LRP1: variants seen among roughly 807,000 people sequenced by gnomAD.
The protein encoded by LRP1 is LDL receptor related protein 1.
In LRP1, 51 loss-of-function variants were observed where a neutral mutation model predicts 541.5. The ratio of observed to expected loss-of-function variants is 0.09; its 90% CI spans 0.08 to 0.12. LRP1 has a LOEUF of 0.12. LRP1 is among the 10% of genes least tolerant of loss of function. LRP1 has a pLI of 1.00. For missense variants in LRP1, 3,878 were observed against 6,376.2 expected, an observed-to-expected ratio of 0.61 and a Z score of 13.34; for synonymous variants, 2,219 against 2,470.8, an observed-to-expected ratio of 0.90 and a Z score of 3.02.
intron 4 of LRP1, chr12:57,144,702 G>T: frequency 2.1e-6 from 1 of 487,420 alleles, no homozygotes; most frequent in Non-Finnish European, 3.7e-6. Context: ...AAAGTTCACT[G>T]ATGCACCCCT....
intron 20 of LRP1, 91 bp downstream of exon 20, chr12:57,169,398 T>C (rs775630829): frequency 3.9e-6 from 5 of 1,271,242 alleles, no homozygotes; most frequent in Non-Finnish European, 5.4e-6. Context: ...ACCCACGGTG[T>C]GTCGGCCACC....
chr12:57,156,360 C>T lies in LRP1; in HGVS notation c.1417+77C>T, dbSNP rs2035619929. On this transcript the variant is annotated intron_variant, in intron 9 of 88. Transcript: ENST00000243077. The surrounding 1 kb of genome is among the most constrained non-coding windows in gnomAD (Gnocchi z 5.2). ...CTGGGACCTTGGGATCACAGCCCCT[C>T]TCTGGGCCCTCCTGTGGGGACCCTG... The T allele has an allele frequency of 4.2e-6, 6 of 1,428,376 alleles. No homozygotes were observed. The South Asian group carries it at 5.2e-5, about 12-fold the overall frequency. The allele number at this position is 1,428,376 out of a possible 1,614,324, so 88.5% of individuals were successfully genotyped here.
chr12:57,212,445 A>G lies in LRP1; in HGVS notation c.13525A>G (p.Thr4509Ala). The change falls in exon 89 of 89, where the codon ACA becomes GCA. Residue 4509 changes from threonine (T) to alanine (A), a missense_variant. Thr to Ala is a moderately conservative substitution (Grantham distance 58). This residue lies in a region of LRP1 where 871 missense variants were observed against 1,212.4 expected (regional missense o/e 0.72). Transcript: ENST00000243077. The surrounding 1 kb of genome is among the most constrained non-coding windows in gnomAD (Gnocchi z 5.0). Reference sequence around the variant, plus strand: ...CAACTTCACCAACCCCGTGTATGCCACACTCTACATGGGGGGCCATGGCAG... The same window carrying G: ...CAACTTCACCAACCCCGTGTATGCCGCACTCTACATGGGGGGCCATGGCAG... Reference protein sequence around the residue: ...PTNFTNPVYATLYMGGHGSRH... With the variant: ...PTNFTNPVYAALYMGGHGSRH... 1 of 1,614,114 alleles carries G rather than the reference A, an allele frequency of 6.2e-7. No homozygotes were observed. Among genetic ancestry groups the G allele is most frequent in the Non-Finnish European group, 8.5e-7 (1 of 1,180,002 alleles).
chr12:57,162,295 G>C lies in LRP1; in HGVS notation c.2203-22G>C, dbSNP rs1486590869. The C allele has an allele frequency of 6.2e-7, 1 of 1,608,756 alleles. No individual in the cohort carries two copies. The highest frequency in any genetic ancestry group is 2.2e-5 in the East Asian group (1 of 44,848). ...CCCTCAATTTTCTTCCAACTCCTTA[G>C]TAACATCCTCTCCATCCCTAGATTG... On this transcript the variant is annotated intron_variant, in intron 13 of 88. Coordinates refer to ENST00000243077, the MANE Select transcript of LRP1 (RefSeq NM_002332.3). The surrounding 1 kb of genome is among the most constrained non-coding windows in gnomAD (Gnocchi z 5.2).
Position 57,204,461 on chromosome 12 carries a change from C to T in LRP1, c.11003C>T (p.Pro3668Leu). The T allele has an allele frequency of 2.5e-6, 4 of 1,569,968 alleles. No homozygotes were observed. The highest frequency in any genetic ancestry group is 1.2e-5 in the South Asian group (1 of 83,564). ...EFQCNNTLCKPLAWKCDGEDD... is the reference protein window; with the variant it reads ...EFQCNNTLCKLLAWKCDGEDD... ...CAGTGCAACAACACCTTGTGCAAGC[C>T]GCTGGCCTGGAAGTGCGATGGCGAG... Residue 3668 changes from proline (P) to leucine (L), a missense_variant, in exon 71 of 89, where the codon CCG becomes CTG. By Grantham distance (98) the Pro-to-Leu change is moderately conservative (BLOSUM62 -3). Around this residue, in one of 13 missense-constraint regions of LRP1, gnomAD observed 278 missense variants for 536.3 expected, o/e 0.52. Coordinates refer to ENST00000243077, the MANE Select transcript of LRP1 (RefSeq NM_002332.3). This position sits in a 1 kb window ranked among gnomAD's most constrained non-coding sequence, Gnocchi z 5.3.
chr12:57,168,674 G>T (rs1208346207), intron 19 of LRP1, among the ~76,000 whole-genome samples: 2 of 152,122 alleles, frequency 1.3e-5, no homozygotes, highest in East Asian at 3.9e-4. Context: ...GCCAGCCACA[G>T]GCAGGGCCCC....
rs200482653 is a variant in LRP1 at position 57,167,066 on chromosome 12, G to A, written c.2914+20G>A. On this transcript the variant is annotated intron_variant, in intron 18 of 88. Coordinates refer to ENST00000243077, the MANE Select transcript of LRP1 (RefSeq NM_002332.3). ...CGTGTGGTAAGAGGGATGGGCAGAGGGAGTCAGGCTGGGCCTGGGGGAGGG... is the reference window on the plus strand; with the variant it reads ...CGTGTGGTAAGAGGGATGGGCAGAGAGAGTCAGGCTGGGCCTGGGGGAGGG... 618 of 1,602,896 alleles carry A rather than the reference G, an allele frequency of 3.9e-4. No individual in the cohort carries two copies. Among genetic ancestry groups the A allele is most frequent in the Non-Finnish European group, 5.1e-4 (593 of 1,170,364 alleles).
At position 57,201,024 on chromosome 12, in the gene LRP1, C is replaced by T; in HGVS notation, c.10226-10C>T. 1 of 1,614,078 alleles carries T rather than the reference C, an allele frequency of 6.2e-7. No homozygotes were observed. ...CCTTCGCCACGAATCACCTCCTCCTCCCTCCACAGACATCCACGTCTGCTT... is the reference window on the plus strand; with the variant it reads ...CCTTCGCCACGAATCACCTCCTCCTTCCTCCACAGACATCCACGTCTGCTT... On this transcript the variant is annotated splice_polypyrimidine_tract_variant and intron_variant, in intron 64 of 88. Transcript: ENST00000243077. The surrounding 1 kb of genome is among the most constrained non-coding windows in gnomAD (Gnocchi z 6.4).
chr12:57,196,369 A>G (rs2036535091), intron 55 of LRP1, 92 bp downstream of exon 55: 1 of 1,216,050 alleles, frequency 8.2e-7, no homozygotes, highest in South Asian at 1.6e-5. Flanking sequence ...TCCCCTAGAC[A>G]GTGGGGATAC....
chr12:57,198,580 C>A lies in LRP1; in HGVS notation c.9586C>A (p.Leu3196Met). ...GATCACATGGCCCAATGGCCTGACGCTGGACTATGTCACTGAGCGCATCTA... is the reference window on the plus strand; with the variant it reads ...GATCACATGGCCCAATGGCCTGACGATGGACTATGTCACTGAGCGCATCTA... ...TKITWPNGLTLDYVTERIYWA... is the reference protein window; with the variant it reads ...TKITWPNGLTMDYVTERIYWA... Residue 3196 changes from leucine (L) to methionine (M), a missense_variant, in exon 60 of 89, where the codon CTG (leucine) becomes ATG (methionine). This residue lies in a region of LRP1 where 1,100 missense variants were observed against 1,827.4 expected (regional missense o/e 0.60). Coordinates refer to ENST00000243077, the MANE Select transcript of LRP1 (RefSeq NM_002332.3). 1 of 1,613,954 alleles carries A rather than the reference C, an allele frequency of 6.2e-7. No individual in the cohort carries two copies. Among genetic ancestry groups the A allele is most frequent in the Non-Finnish European group, 8.5e-7 (1 of 1,179,970 alleles).
intron 19 of LRP1, chr12:57,168,157 G>T: frequency 6.5e-6 from 1 of 154,166 alleles, no homozygotes. Flanking sequence ...GCATGCCAAT[G>T]GTTGCCCCGG....
rs748466372 is a variant in LRP1 at position 57,197,560 on chromosome 12, G to A, written c.9178G>A (p.Val3060Ile). The A allele has an allele frequency of 1.4e-5, 22 of 1,613,822 alleles. No homozygotes were observed. Among genetic ancestry groups the A allele is most frequent in the East Asian group, 2.2e-5 (1 of 44,882 alleles). The part of the protein sequence containing the change: ...TLLKQGLNNA[V>I]ALDFDYREQM... Reference sequence around the variant, plus strand: ...CCAAATCCAGGGCCTGAACAACGCCGTTGCCTTGGATTTTGACTACCGAGA... The same window carrying A: ...CCAAATCCAGGGCCTGAACAACGCCATTGCCTTGGATTTTGACTACCGAGA... The change falls in exon 58 of 89, where the codon GTT (valine) becomes ATT (isoleucine). Residue 3060 changes from valine (V) to isoleucine (I), a missense_variant. By Grantham distance (29) the Val-to-Ile change is conservative. Transcript: ENST00000243077. The surrounding 1 kb of genome is among the most constrained non-coding windows in gnomAD (Gnocchi z 4.5).
chr12:57,145,319 C>G lies in LRP1; in HGVS notation c.670C>G (p.Pro224Ala). The G allele has an allele frequency of 1.9e-6, 3 of 1,614,170 alleles. No homozygotes were observed. The East Asian group carries it at 6.7e-5, about 36-fold the overall frequency. Residue 224 changes from proline (P) to alanine (A), a missense_variant, in exon 6 of 89, where the codon CCT (proline) becomes GCT (alanine). Physicochemically the swap from Pro to Ala is conservative, Grantham distance 27. Transcript: ENST00000243077. ...LSGAQVSTIT[P>A]TSTRQTTAMD... ...TGGGGCCCAGGTGTCTACCATCACA[C>G]CTACGAGCACGCGGCAGACCACAGC...
Position 57,209,775 on chromosome 12 carries a change from C to T in LRP1, c.12346C>T (p.His4116Tyr). The change falls in exon 80 of 89, where the codon CAT (histidine) becomes TAT (tyrosine). Residue 4116 changes from histidine (H) to tyrosine (Y), a missense_variant. This residue lies in a region of LRP1 where 871 missense variants were observed against 1,212.4 expected (regional missense o/e 0.72). Coordinates refer to ENST00000243077, the MANE Select transcript of LRP1 (RefSeq NM_002332.3). ...TYINNRVFKI[H>Y]KFGHSPLVNL... Reference sequence around the variant, plus strand: ...CATCAATAATCGTGTCTTCAAGATCCATAAGTTTGGCCACAGCCCCTTGGT... The same window carrying T: ...CATCAATAATCGTGTCTTCAAGATCTATAAGTTTGGCCACAGCCCCTTGGT... The T allele has an allele frequency of 6.2e-7, 1 of 1,614,214 alleles. No homozygotes were observed. Among genetic ancestry groups the T allele is most frequent in the East Asian group, 2.2e-5 (1 of 44,884 alleles).
Position 57,195,697 on chromosome 12 carries a change from A to G in LRP1, c.8477A>G (p.Gln2826Arg), listed in dbSNP as rs1242317031. The G allele has an allele frequency of 3.7e-6, 6 of 1,614,014 alleles. No individual in the cohort carries two copies. Among genetic ancestry groups the G allele is most frequent in the East Asian group, 2.2e-5 (1 of 44,900 alleles). The part of the protein sequence containing the change: ...STCDDREFMC[Q>R]NRQCIPKHFV... ...TGTGACGACCGTGAGTTCATGTGCC[A>G]GAACCGCCAGTGCATCCCCAAGCAC... Residue 2826 changes from glutamine (Q) to arginine (R), a missense_variant, in exon 53 of 89, where the codon CAG becomes CGG. Coordinates refer to ENST00000243077, the MANE Select transcript of LRP1 (RefSeq NM_002332.3).
Position 57,173,246 on chromosome 12 carries a change from G to A in LRP1, c.3242G>A (p.Arg1081His), listed in dbSNP as rs765171230. ...GGACTATGCATCCCCCTGCGGTGGC[G>A]CTGCGATGGGGACACTGACTGCATG... The part of the protein sequence containing the change: ...LDGLCIPLRW[R>H]CDGDTDCMDS... Residue 1081 changes from arginine (R) to histidine (H), a missense_variant, in exon 21 of 89, where the codon CGC becomes CAC. This residue lies in a region of LRP1 where 320 missense variants were observed against 547.9 expected (regional missense o/e 0.58). Coordinates refer to ENST00000243077, the MANE Select transcript of LRP1 (RefSeq NM_002332.3). The surrounding 1 kb of genome is among the most constrained non-coding windows in gnomAD (Gnocchi z 4.7). 43 of 1,613,826 alleles carry A rather than the reference G, an allele frequency of 2.7e-5. No individual in the cohort carries two copies. In the South Asian group the frequency reaches 3.7e-4, roughly 14 times the overall value.
chr12:57,201,818 G>T lies in LRP1; in HGVS notation c.10507G>T (p.Asp3503Tyr), dbSNP rs1423604415. ...TGGTGTGGACGAGTTCCGCTGCAAG[G>T]ATTCGGGCCGCTGCATCCCAGCGCG... ...TCGVDEFRCK[D>Y]SGRCIPARWK... The change falls in exon 67 of 89, where the codon GAT becomes TAT. Residue 3503 changes from aspartate (D) to tyrosine (Y), a missense_variant. Coordinates refer to ENST00000243077, the MANE Select transcript of LRP1 (RefSeq NM_002332.3). The surrounding 1 kb of genome is among the most constrained non-coding windows in gnomAD (Gnocchi z 6.4). 1 of 1,614,030 alleles carries T rather than the reference G, an allele frequency of 6.2e-7. No individual in the cohort carries two copies. Among genetic ancestry groups the T allele is most frequent in the Non-Finnish European group, 8.5e-7 (1 of 1,179,992 alleles).
intron 1 of LRP1, among the ~76,000 whole-genome samples, chr12:57,136,374 C>G (rs2035164744): frequency 6.9e-6 from 1 of 145,888 alleles, no homozygotes; most frequent in Non-Finnish European, 1.5e-5. Flanking sequence ...AGGCTCCCAT[C>G]AGACTCCCTC....
chr12:57,180,286 C>A, intron 31 of LRP1, 44 bp from the exon 32 acceptor site: 1 of 1,608,942 alleles, frequency 6.2e-7, no homozygotes, highest in Non-Finnish European at 8.5e-7. Context: ...CCTGGATCCC[C>A]AGCCCTGGGC....
Sources: gnomAD v4.1 joint callset for allele counts (sites outside exome capture counted in the v4.1 genomes callset) on GRCh38, gnomAD v4.1.1 for gene constraint, gnomAD v4.1.1 regional missense constraint, Gnocchi (gnomAD v3.1) non-coding constraint, MANE v1.5 for transcripts, NCBI Gene and HGNC (gene_info 2026-07-23, HGNC 2026-07-21) for gene names.